Variants in CPD observed in about 807,000 individuals in gnomAD.
The protein encoded by CPD is carboxypeptidase D.
CPD carries 69 observed loss-of-function variants against 138.3 expected under a neutral mutation model. The observed-to-expected ratio is 0.50, with a 90% CI of 0.41 to 0.61. The LOEUF is 0.61. Among genes scored for constraint, CPD ranks in the 20% least tolerant of loss-of-function variants. CPD has a pLI of 0.00. For synonymous variants in CPD, 651 were observed against 642.1 expected, an observed-to-expected ratio of 1.01 and a Z score of -0.21; for missense variants, 1,432 against 1,733.3, an observed-to-expected ratio of 0.83 and a Z score of 3.09.
Position 30,466,266 on chromosome 17 carries a change from T to A in CPD, c.*1452T>A, listed in dbSNP as rs1913633718. ...AATCAGGGGACCAAAAAACTTGCTC[T>A]TATCTTCTCAAATTGTATTCTATAT... On this transcript the variant is annotated 3_prime_UTR_variant, in exon 21 of 21. Transcript: ENST00000225719. 1 of 152,636 alleles carries A rather than the reference T, an allele frequency of 6.6e-6. No homozygotes were observed. Among genetic ancestry groups the A allele is most frequent in the South Asian group, 2.1e-4 (1 of 4,832 alleles). The allele number at this position is 152,636 out of a possible 1,614,324, so 9.5% of individuals were successfully genotyped here.
chr17:30,459,312 T>G (rs768693037), intron 17 of CPD, among the ~76,000 whole-genome samples: 1 of 151,834 alleles, frequency 6.6e-6, no homozygotes, highest in East Asian at 1.9e-4. Flanking sequence ...ATGTGCCATG[T>G]TGGTGTGCTG....
rs1185441855 is a variant in CPD, at chr17:30,469,710, C to T, written c.*4896C>T. Reference sequence around the variant, plus strand: ...CATGGCAGTAAAGTTTTAATTATGCCAAGATGCTTCATATTTGTTTTTAAA... The same window carrying T: ...CATGGCAGTAAAGTTTTAATTATGCTAAGATGCTTCATATTTGTTTTTAAA... On this transcript the variant is annotated 3_prime_UTR_variant, in exon 21 of 21. Coordinates refer to ENST00000225719, the MANE Select transcript of CPD (RefSeq NM_001304.5). 1 of 152,084 alleles carries T rather than the reference C, an allele frequency of 6.6e-6. No individual in the cohort carries two copies. Among genetic ancestry groups the T allele is most frequent in the Non-Finnish European group, 1.5e-5 (1 of 68,000 alleles). 9.4% of individuals were successfully genotyped at this position (152,084 alleles called of 1,614,324 possible). A position where few individuals can be genotyped will look rare whatever the true frequency, so the allele number is the denominator to read the frequency against.
At chr17:30,401,303 CTCCTCT>C (rs1040457083) in intron 2 of CPD, among the ~76,000 whole-genome samples, 8 of 151,306 alleles carry the variant, frequency 5.3e-5, no homozygotes, top group South Asian at 2.1e-4. Flanking sequence ...TCTCCTCTTA[CTCCTCT>C]TCCTCTTCCT....
chr17:30,452,282 CT>C (rs1169994571), intron 14 of CPD, among the ~76,000 whole-genome samples: 275 of 139,850 alleles, frequency 2.0e-3, no homozygotes, highest in African/African-American at 1.9e-3. Flanking sequence ...CATTCTTTTT[CT>C]TTTTTTTTTT....
rs1020849993 is a variant in CPD, at chr17:30,449,500, A to G, written c.2874-53A>G. Reference sequence around the variant, plus strand: ...CTATTTTTAAAGTCCATAAGTCAACATTAACATAGTGCTTGATTACTTGCT... The same window carrying G: ...CTATTTTTAAAGTCCATAAGTCAACGTTAACATAGTGCTTGATTACTTGCT... On this transcript the variant is annotated intron_variant, in intron 12 of 20. Transcript: ENST00000225719. 4.2e-5 allele frequency: 61 copies of G among 1,468,348 alleles called. No individual in the cohort carries two copies. In the African/African-American group the frequency reaches 7.2e-4, roughly 17 times the overall value. The allele number at this position is 1,468,348 out of a possible 1,614,324, so 91.0% of individuals were successfully genotyped here.
intron 2 of CPD, among the ~76,000 whole-genome samples, chr17:30,389,136 C>G (rs1188256202): frequency 2.6e-5 from 4 of 152,164 alleles, no homozygotes; most frequent in Non-Finnish European, 4.4e-5. Context: ...ACGGCAGCCC[C>G]CAGGGCAGCG....
chr17:30,425,622 C>T (rs1033528366), intron 6 of CPD, among the ~76,000 whole-genome samples: 1 of 144,486 alleles, frequency 6.9e-6, no homozygotes, highest in Non-Finnish European at 1.5e-5. Context: ...CGCCACTGCA[C>T]TACAGTCTAG....
chr17:30,451,981 T>C (rs1198756849), intron 14 of CPD, 135 bp downstream of exon 14: 2 of 776,954 alleles, frequency 2.6e-6, no homozygotes, highest in African/African-American at 3.6e-5. Flanking sequence ...TATAAATGAA[T>C]TCAGACATCT....
At chr17:30,393,146 G>A (rs767739258) in intron 2 of CPD, among the ~76,000 whole-genome samples, 2 of 152,194 alleles carry the variant, frequency 1.3e-5, no homozygotes, top group African/African-American at 2.4e-5. Context: ...AGCATATAAT[G>A]TAACCAATTC....
At chr17:30,412,865 C>T (rs951471813) in intron 2 of CPD, among the ~76,000 whole-genome samples, 1 of 152,226 alleles carries the variant, frequency 6.6e-6, no homozygotes, top group African/African-American at 2.4e-5. Flanking sequence ...CCTGCTTCGA[C>T]TTGCCCTCCG....
At chr17:30,418,891 G>A (rs1470638709) in intron 2 of CPD, among the ~76,000 whole-genome samples, 1 of 152,112 alleles carries the variant, frequency 6.6e-6, no homozygotes, top group Non-Finnish European at 1.5e-5. Context: ...AAATGGCATT[G>A]GTTAGAGTTC....
intron 2 of CPD, among the ~76,000 whole-genome samples, chr17:30,386,429 A>G (rs929755930): frequency 5.9e-5 from 9 of 152,156 alleles, no homozygotes; most frequent in African/African-American, 9.7e-5. Context: ...GTGGTAAAAC[A>G]TACATATATA....
intron 9 of CPD, among the ~76,000 whole-genome samples, chr17:30,439,406 T>TC (rs1242298199): frequency 1.3e-5 from 2 of 149,318 alleles, no homozygotes; most frequent in African/African-American, 5.0e-5. Context: ...TTTTTTTTTT[T>TC]TCTTTTCTTT....
chr17:30,430,704 G>A (rs1912539464), intron 7 of CPD, among the ~76,000 whole-genome samples: 1 of 152,092 alleles, frequency 6.6e-6, no homozygotes, highest in African/African-American at 2.4e-5. Flanking sequence ...CCAGGCTGGA[G>A]TGTAAGTGGT....
In CPD at chr17:30,469,584, T is replaced by G. The variant is rs1305272177; in HGVS notation, c.*4770T>G. ...AAAGTTACTTTATCAAATGTATAAA[T>G]AAAGATCTGTTTATAGGTGATCTTT... On this transcript the variant is annotated 3_prime_UTR_variant, in exon 21 of 21. Transcript: ENST00000225719. 6.6e-6 allele frequency: 1 copy of G among 152,220 alleles called. No individual in the cohort carries two copies. The highest frequency in any genetic ancestry group is 1.5e-5 in the Non-Finnish European group (1 of 68,022). The allele number at this position is 152,220 out of a possible 1,614,324, so 9.4% of individuals were successfully genotyped here.
chr17:30,423,796 C>T, intron 6 of CPD, 99 bp downstream of exon 6: 1 of 947,850 alleles, frequency 1.1e-6, no homozygotes, highest in Non-Finnish European at 1.5e-6. Context: ...GAATTTCTTC[C>T]AATTTTTTTT....
In CPD at chr17:30,466,353, G is replaced by A. The variant is rs1567887462; in HGVS notation, c.*1539G>A. 2.0e-5 allele frequency: 3 copies of A among 152,508 alleles called. No homozygotes were observed. The highest frequency in any genetic ancestry group is 1.3e-4 in the Admixed American group (2 of 15,256). 9.4% of individuals were successfully genotyped at this position (152,508 alleles called of 1,614,324 possible). On this transcript the variant is annotated 3_prime_UTR_variant, in exon 21 of 21. Transcript: ENST00000225719. ...GAGGGGTTTACCACCTTCCTAGGTC[G>A]TTCAACCAGGTTTTGTGAGGAATGC...
intron 2 of CPD, among the ~76,000 whole-genome samples, chr17:30,418,924 G>T (rs1354089832): frequency 2.0e-5 from 3 of 152,102 alleles, no homozygotes; most frequent in Non-Finnish European, 4.4e-5. Flanking sequence ...ATTTTTAAAG[G>T]TTCTTTGCCT....
At chr17:30,414,508 G>A (rs542394579) in intron 2 of CPD, among the ~76,000 whole-genome samples, 36 of 152,062 alleles carry the variant, frequency 2.4e-4, no homozygotes, top group East Asian at 7.7e-4. Flanking sequence ...GCATGAATCC[G>A]GGAGGCAGAG....
Sources: gnomAD v4.1 joint callset for allele counts (sites outside exome capture counted in the v4.1 genomes callset) on GRCh38, gnomAD v4.1.1 for gene constraint, MANE v1.5 for transcripts, NCBI Gene and HGNC (gene_info 2026-07-23, HGNC 2026-07-21) for gene names.